The following ST6GALNAC3 variants were observed in gnomAD, a reference collection of about 807,000 sequenced individuals.
The protein encoded by ST6GALNAC3 is ST6 N-acetylgalactosaminide alpha-2,6-sialyltransferase 3, also known as alpha-N-acetylgalactosaminide alpha-2,6-sialyltransferase 3.
Under a neutral mutation model 32.7 loss-of-function variants are expected in ST6GALNAC3, and 25 were observed. The observed-to-expected ratio is 0.76, with a 90% CI of 0.56 to 1.07. The LOEUF (loss-of-function observed/expected upper bound fraction) is 1.07, where lower values mean the gene tolerates loss of function less well. ST6GALNAC3 is among the 50% of genes least tolerant of loss of function. The pLI, the probability that ST6GALNAC3 is intolerant of heterozygous loss-of-function variation, is 0.00. For synonymous variants in ST6GALNAC3, 129 were observed against 133.1 expected (o/e 0.97, Z 0.21); for missense variants, 355 against 382.4 (o/e 0.93, Z 0.60).
intron 2 of ST6GALNAC3, among the ~76,000 whole-genome samples, chr1:76,330,257 A>G (rs538690227): frequency 5.3e-5 from 8 of 152,036 alleles, no homozygotes; most frequent in Non-Finnish European, 1.0e-4. Flanking sequence ...GGTTCAAGTG[A>G]TTCTCCTGCC....
chr1:76,297,704 G>T (rs1660485857), intron 1 of ST6GALNAC3, among the ~76,000 whole-genome samples: 1 of 152,052 alleles, frequency 6.6e-6, no homozygotes, highest in South Asian at 2.1e-4. Context: ...AAGATCAGAG[G>T]TGATATGTGT....
intron 1 of ST6GALNAC3, among the ~76,000 whole-genome samples, chr1:76,278,995 T>C (rs1371896154): frequency 6.6e-6 from 1 of 152,216 alleles, no homozygotes; most frequent in Non-Finnish European, 1.5e-5. Flanking sequence ...GACAATTATG[T>C]GGCTCTGTCT....
chr1:76,579,919 C>T (rs187917100), intron 3 of ST6GALNAC3, among the ~76,000 whole-genome samples: 4 of 152,048 alleles, frequency 2.6e-5, no homozygotes, highest in Admixed American at 6.6e-5. Flanking sequence ...ATGCCTAAAT[C>T]CATTAGTTGA....
chr1:76,320,588 A>C (rs1646947034), intron 2 of ST6GALNAC3, among the ~76,000 whole-genome samples: 2 of 152,076 alleles, frequency 1.3e-5, no homozygotes, highest in Admixed American at 6.6e-5. Context: ...GAAGTCAGGC[A>C]CATGTACAGG....
At position 76,604,493 on chromosome 1, in the gene ST6GALNAC3, A is replaced by C. The variant is rs570708822; in HGVS notation, c.624-22959A>C. Among the ~76,000 whole-genome samples, 3 of 152,324 alleles carry C rather than the reference A, an allele frequency of 2.0e-5. No homozygotes were observed. In the East Asian group the frequency reaches 5.8e-4, roughly 29 times the overall value. On this transcript the variant is annotated intron_variant, in intron 3 of 4. Transcript: ENST00000328299. ...TCAAATGACATCTCTGACAATGTTC[A>C]TCTCATTCTTTGGCTCTTTTCCCTC...
At chr1:76,084,967 G>C (rs1646945858) in intron 1 of ST6GALNAC3, among the ~76,000 whole-genome samples, 1 of 152,150 alleles carries the variant, frequency 6.6e-6, no homozygotes, top group South Asian at 2.1e-4. Context: ...ACAAAACTCT[G>C]GCTTGACAAC....
rs146083152 is a variant in ST6GALNAC3, at chr1:76,507,949, G to T, written c.623+95532G>T. ...TTCTAACCAATATTTGCTATTACTTGTCTTTTTTATTATAGCCATCCTAGT... is the reference window on the plus strand; with the variant it reads ...TTCTAACCAATATTTGCTATTACTTTTCTTTTTTATTATAGCCATCCTAGT... On this transcript the variant is annotated intron_variant, in intron 3 of 4. Transcript: ENST00000328299. Among the ~76,000 whole-genome samples the T allele has an allele frequency of 1.8e-4, 27 of 152,250 alleles. 2 individuals are homozygous for T. The highest frequency in any genetic ancestry group is 1.5e-3 in the East Asian group (8 of 5,184).
At chr1:76,575,200 T>A (rs936638083) in intron 3 of ST6GALNAC3, among the ~76,000 whole-genome samples, 1 of 152,098 alleles carries the variant, frequency 6.6e-6, no homozygotes, top group Non-Finnish European at 1.5e-5. Context: ...AATGAAAAGA[T>A]AATCATTCTA....
intron 1 of ST6GALNAC3, among the ~76,000 whole-genome samples, chr1:76,088,970 G>A (rs1647002074): frequency 6.6e-6 from 1 of 152,290 alleles, no homozygotes; most frequent in East Asian, 1.9e-4. Flanking sequence ...AGATCATAAG[G>A]ATCATGTAGA....
chr1:76,634,731 G>C (rs866263993), downstream of ST6GALNAC3: 1 of 30,612 alleles, frequency 3.3e-5, no homozygotes, highest in East Asian at 4.7e-4. Context: ...ACGGAGTCTC[G>C]CTCTGTCGCC....
At chr1:76,556,032 C>T (rs1012007140) in intron 3 of ST6GALNAC3, among the ~76,000 whole-genome samples, 1 of 152,024 alleles carries the variant, frequency 6.6e-6, no homozygotes, top group Non-Finnish European at 1.5e-5. Context: ...TCTACTCCCC[C>T]GTCCTCCTAA....
intron 3 of ST6GALNAC3, among the ~76,000 whole-genome samples, chr1:76,494,444 T>C (rs1660684991): frequency 1.3e-5 from 1 of 76,614 alleles, no homozygotes; most frequent in Admixed American, 1.6e-4. Context: ...TATATATATA[T>C]ATATATATAT....
intron 1 of ST6GALNAC3, among the ~76,000 whole-genome samples, chr1:76,208,369 C>A (rs1020005647): frequency 6.6e-6 from 1 of 152,232 alleles, no homozygotes; most frequent in Non-Finnish European, 1.5e-5. Flanking sequence ...TTCACTTTAT[C>A]TTTGAAAGCT....
intron 3 of ST6GALNAC3, among the ~76,000 whole-genome samples, chr1:76,614,897 G>A (rs551527837): frequency 2.0e-5 from 3 of 152,112 alleles, no homozygotes; most frequent in Middle Eastern, 6.8e-3. Context: ...GGCTGTGACT[G>A]GGGGGTAGGG....
intron 3 of ST6GALNAC3, among the ~76,000 whole-genome samples, chr1:76,484,081 A>G (rs1458468406): frequency 6.6e-6 from 1 of 152,108 alleles, no homozygotes; most frequent in African/African-American, 2.4e-5. Flanking sequence ...ATTAGTCTAT[A>G]TGTCTGTTTT....
intron 3 of ST6GALNAC3, among the ~76,000 whole-genome samples, chr1:76,432,748 T>G (rs1380780391): frequency 1.3e-5 from 2 of 152,166 alleles, no homozygotes; most frequent in African/African-American, 2.4e-5. Context: ...TAAGCCACCA[T>G]GCCCAGCCTA....
intron 1 of ST6GALNAC3, among the ~76,000 whole-genome samples, chr1:76,173,261 C>G (rs1652637861): frequency 6.6e-6 from 1 of 152,168 alleles, no homozygotes; most frequent in Non-Finnish European, 1.5e-5. Flanking sequence ...GTAAATGGTG[C>G]TGGGAAAACT....
At chr1:76,341,605 T>TTTGC (rs952057105) in intron 2 of ST6GALNAC3, among the ~76,000 whole-genome samples, 3 of 91,186 alleles carry the variant, frequency 3.3e-5, no homozygotes, top group Non-Finnish European at 6.7e-5. Context: ...TCCAAACTGC[T>TTTGC]TTTCTTTCTT....
chr1:76,419,211 C>T (rs1557871394), intron 3 of ST6GALNAC3, among the ~76,000 whole-genome samples: 2 of 152,134 alleles, frequency 1.3e-5, no homozygotes, highest in Non-Finnish European at 2.9e-5. Flanking sequence ...ATCAAGACTT[C>T]CAAGCAGTCT....
Sources: allele counts gnomAD v4.1 joint callset (sites outside exome capture counted in the v4.1 genomes callset), GRCh38; gene constraint gnomAD v4.1.1; transcripts MANE v1.5; gene names NCBI Gene and HGNC (gene_info 2026-07-23, HGNC 2026-07-21).